Variants in ADAMTSL1 observed in about 807,000 individuals in gnomAD.
ADAMTSL1 encodes the protein ADAMTS-like protein 1.
Under a neutral mutation model 201.8 loss-of-function variants are expected in ADAMTSL1, and 126 were observed. That is an observed-to-expected ratio of 0.62 (90% confidence interval 0.54 to 0.72). ADAMTSL1 has a LOEUF of 0.72. ADAMTSL1 is among the 30% of genes least tolerant of loss of function. ADAMTSL1 has a pLI of 0.00. For synonymous variants in ADAMTSL1, 1,121 were observed against 903.4 expected (o/e 1.24, Z -4.32); for missense variants, 2,679 against 2,277.8 (o/e 1.18, Z -3.59).
intron 4 of ADAMTSL1, among the ~76,000 whole-genome samples, chr9:18,616,968 C>G (rs917914367): frequency 6.6e-6 from 1 of 152,114 alleles, no homozygotes; most frequent in Admixed American, 6.6e-5. Flanking sequence ...CACACTGTTA[C>G]CCATAAAGTT....
intron 15 of ADAMTSL1, among the ~76,000 whole-genome samples, chr9:18,724,819 T>G (rs1046620543): frequency 1.1e-4 from 16 of 152,186 alleles, no homozygotes; most frequent in African/African-American, 3.1e-4. Flanking sequence ...CCTTATCCCT[T>G]CTCTCCAACC....
intron 1 of ADAMTSL1, among the ~76,000 whole-genome samples, chr9:18,083,415 T>C (rs1823602500): frequency 6.6e-6 from 1 of 152,226 alleles, no homozygotes; most frequent in Non-Finnish European, 1.5e-5. Flanking sequence ...TTAGTGCCAA[T>C]GAGACTAGGC....
At chr9:18,565,718 A>T (rs1400603475) in intron 3 of ADAMTSL1, among the ~76,000 whole-genome samples, 4 of 152,320 alleles carry the variant, frequency 2.6e-5, no homozygotes, top group Non-Finnish European at 5.9e-5. Context: ...TTTAAATATT[A>T]TGCTCTTAAA....
At chr9:18,843,602 T>C (rs912285900) in intron 23 of ADAMTSL1, among the ~76,000 whole-genome samples, 6 of 150,784 alleles carry the variant, frequency 4.0e-5, no homozygotes, top group Non-Finnish European at 7.3e-5. Context: ...ATTGGGGAAG[T>C]TCTCCTGGAT....
intron 1 of ADAMTSL1, among the ~76,000 whole-genome samples, chr9:18,133,317 GCT>G (rs1587127265): frequency 6.6e-6 from 1 of 152,058 alleles, no homozygotes; most frequent in East Asian, 1.9e-4. Context: ...AGCCAGTTTT[GCT>G]CTGACTCCAG....
rs536291673 is a variant in ADAMTSL1 at position 18,770,598 on chromosome 9, C to T, written c.2218-4C>T. On this transcript the variant is annotated splice_region_variant and splice_polypyrimidine_tract_variant and intron_variant, in intron 16 of 28. Coordinates refer to ENST00000380548, the MANE Select transcript of ADAMTSL1 (RefSeq NM_001040272.6). ...TTTTCTTCTTTCCTTCTTTCTTTCC[C>T]CAGTGTTCCAGAACGTGTGGCGGGG... 12 of 1,606,146 alleles carry T rather than the reference C, an allele frequency of 7.5e-6. No homozygotes were observed. The South Asian group carries it at 1.3e-4, about 18-fold the overall frequency.
At chr9:18,136,931 G>A (rs1826182998) in intron 1 of ADAMTSL1, among the ~76,000 whole-genome samples, 1 of 152,290 alleles carries the variant, frequency 6.6e-6, no homozygotes, top group East Asian at 1.9e-4. Context: ...GTCAACAATG[G>A]GGAGGCCAAG....
chr9:18,856,007 T>G (rs1826822397), intron 23 of ADAMTSL1, among the ~76,000 whole-genome samples: 1 of 152,208 alleles, frequency 6.6e-6, no homozygotes, highest in Non-Finnish European at 1.5e-5. Flanking sequence ...CTTCTCCTTG[T>G]AATCCTGTTG....
chr9:18,766,110 G>A (rs1307962513), intron 16 of ADAMTSL1, among the ~76,000 whole-genome samples: 1 of 152,166 alleles, frequency 6.6e-6, no homozygotes, highest in African/African-American at 2.4e-5. Flanking sequence ...TAAAATATAA[G>A]ATTACAGAGG....
At chr9:18,423,246 G>A (rs7852804) in intron 2 of ADAMTSL1, among the ~76,000 whole-genome samples, 4,821 of 152,186 alleles carry the variant, frequency 0.032, 270 homozygotes, top group African/African-American at 0.11. Flanking sequence ...TTCTGTATAT[G>A]TTTTTAGATA....
intron 23 of ADAMTSL1, among the ~76,000 whole-genome samples, chr9:18,861,305 A>G (rs930351933): frequency 6.6e-6 from 1 of 152,218 alleles, no homozygotes; most frequent in African/African-American, 2.4e-5. Context: ...TTCCCAGCAG[A>G]ACAGCATGTG....
chr9:18,238,658 C>T (rs1003452419), intron 2 of ADAMTSL1, among the ~76,000 whole-genome samples: 4 of 152,104 alleles, frequency 2.6e-5, no homozygotes, highest in African/African-American at 9.7e-5. Flanking sequence ...AGAAAGAGAG[C>T]ACTGAAAGGA....
chr9:18,802,955 T>A (rs1005564173), intron 20 of ADAMTSL1, among the ~76,000 whole-genome samples: 2 of 152,238 alleles, frequency 1.3e-5, no homozygotes, highest in African/African-American at 4.8e-5. Context: ...TAATATTGAC[T>A]AATGATGTCA....
intron 4 of ADAMTSL1, among the ~76,000 whole-genome samples, chr9:18,576,900 G>A (rs915238592): frequency 7.2e-5 from 11 of 151,938 alleles, no homozygotes; most frequent in African/African-American, 2.7e-4. Flanking sequence ...GAAACTGGAG[G>A]CTCAGGTCGA....
chr9:18,870,862 T>C (rs138423952), intron 23 of ADAMTSL1, among the ~76,000 whole-genome samples: 134 of 152,330 alleles, frequency 8.8e-4, no homozygotes, highest in African/African-American at 3.2e-3. Flanking sequence ...CCAACTAAGT[T>C]ATTCACCATT....
chr9:18,338,352 A>G (rs1835333899), intron 2 of ADAMTSL1, among the ~76,000 whole-genome samples: 1 of 151,834 alleles, frequency 6.6e-6, no homozygotes, highest in Admixed American at 6.6e-5. Flanking sequence ...CTTCCTTCCT[A>G]TTAGTGTCTG....
At chr9:18,275,436 T>C (rs1347466387) in intron 2 of ADAMTSL1, among the ~76,000 whole-genome samples, 1 of 152,142 alleles carries the variant, frequency 6.6e-6, no homozygotes, top group African/African-American at 2.4e-5. Flanking sequence ...CATCCAACTA[T>C]CACCAACCAC....
chr9:18,603,140 G>T (rs1824768954), intron 4 of ADAMTSL1, among the ~76,000 whole-genome samples: 1 of 152,098 alleles, frequency 6.6e-6, no homozygotes, highest in African/African-American at 2.4e-5. Flanking sequence ...AATAGTAATG[G>T]TAGGTGTTCC....
intron 2 of ADAMTSL1, among the ~76,000 whole-genome samples, chr9:18,242,380 T>C (rs1202371718): frequency 6.6e-6 from 1 of 152,134 alleles, no homozygotes; most frequent in Non-Finnish European, 1.5e-5. Flanking sequence ...TAAAGGCCAT[T>C]TGGAAAAACT....
Sources: gnomAD v4.1 joint callset for allele counts (sites outside exome capture counted in the v4.1 genomes callset) on GRCh38, gnomAD v4.1.1 for gene constraint, MANE v1.5 for transcripts, NCBI Gene and HGNC (gene_info 2026-07-23, HGNC 2026-07-21) for gene names.